SPINT2: variants seen among roughly 807,000 people sequenced by gnomAD.
The protein encoded by SPINT2 is serine peptidase inhibitor, Kunitz type 2.
SPINT2 carries 18 observed loss-of-function variants against 30.1 expected under a neutral mutation model. The ratio of observed to expected loss-of-function variants is 0.60; its 90% CI spans 0.41 to 0.89. SPINT2 has a LOEUF of 0.89. Ranked by LOEUF, SPINT2 falls within the 40% of genes least tolerant of loss-of-function variation. SPINT2 has a pLI of 0.00. For synonymous variants in SPINT2, 139 were observed against 137.9 expected, an observed-to-expected ratio of 1.01 and a Z score of -0.05; for missense variants, 276 against 334.3, an observed-to-expected ratio of 0.83 and a Z score of 1.36.
chr19:38,268,743 CAG>C (rs535550049), intron 1 of SPINT2, among the ~76,000 whole-genome samples: 6 of 143,878 alleles, frequency 4.2e-5, no homozygotes, highest in East Asian at 2.2e-4. Flanking sequence ...CAGTGTGAGA[CAG>C]AGAGAGAGCA....
intron 1 of SPINT2, among the ~76,000 whole-genome samples, chr19:38,274,794 G>A (rs1312561414): frequency 2.0e-5 from 3 of 149,550 alleles, no homozygotes; most frequent in Admixed American, 6.7e-5. Flanking sequence ...CAGCCTGGAC[G>A]ACAGAGTGAG....
rs1280051794 is a variant in SPINT2 at position 38,292,038 on chromosome 19, A to G, written c.*32A>G. 1.1e-5 allele frequency: 17 copies of G among 1,612,378 alleles called. No homozygotes were observed. In the East Asian group the frequency reaches 3.6e-4, roughly 34 times the overall value. Reference sequence around the variant, plus strand: ...TGTCGCCAAGAGGACTGGGGAAGGGAGGGGAGACTATGTGTGAGCTTTTTT... The same window carrying G: ...TGTCGCCAAGAGGACTGGGGAAGGGGGGGGAGACTATGTGTGAGCTTTTTT... On this transcript the variant is annotated 3_prime_UTR_variant, in exon 7 of 7. Coordinates refer to ENST00000301244, the MANE Select transcript of SPINT2 (RefSeq NM_021102.4).
At chr19:38,272,877 G>A (rs759786899) in intron 1 of SPINT2, among the ~76,000 whole-genome samples, 6 of 151,906 alleles carry the variant, frequency 3.9e-5, no homozygotes, top group Non-Finnish European at 5.9e-5. Flanking sequence ...GCACCACCAC[G>A]CCCGGCTCAT....
intron 1 of SPINT2, among the ~76,000 whole-genome samples, chr19:38,283,075 G>A (rs1968598664): frequency 1.3e-5 from 2 of 151,964 alleles, no homozygotes; most frequent in African/African-American, 4.8e-5. Context: ...ACTTTGGGAG[G>A]CCGAGGCAGG....
chr19:38,289,784 G>C, intron 4 of SPINT2: 1 of 392,666 alleles, frequency 2.5e-6, no homozygotes, highest in African/African-American at 2.1e-5. Context: ...CCAGCGGCTT[G>C]GCTGTGGGCA....
chr19:38,269,758 T>C (rs1968428398), intron 1 of SPINT2, among the ~76,000 whole-genome samples: 1 of 151,904 alleles, frequency 6.6e-6, no homozygotes, highest in Non-Finnish European at 1.5e-5. Context: ...TACAGGCACC[T>C]GCCGCCACGC....
At chr19:38,285,278 C>T (rs556188907) in intron 2 of SPINT2, among the ~76,000 whole-genome samples, 1 of 152,236 alleles carries the variant, frequency 6.6e-6, no homozygotes, top group East Asian at 1.9e-4. Context: ...AGACATTGGC[C>T]CTTTGGGGCT....
chr19:38,287,623 G>A (rs1049613346), intron 2 of SPINT2, among the ~76,000 whole-genome samples: 1 of 152,134 alleles, frequency 6.6e-6, no homozygotes, highest in Non-Finnish European at 1.5e-5. Flanking sequence ...CACCACACCC[G>A]GCCAAGTCAC....
rs965847604 is a variant in SPINT2, at chr19:38,270,849, T to C, written c.106+5851T>C. On this transcript the variant is annotated intron_variant, in intron 1 of 6. Transcript: ENST00000301244. ...GGCTGAATAAGGGGTGATAAGCCTG[T>C]GGCTCATGTGAGGCGGGAGAGAGCC... is the stretch of plus-strand genomic sequence containing the variant. Among the ~76,000 whole-genome samples, 4 of 152,346 alleles carry C rather than the reference T, an allele frequency of 2.6e-5. No homozygotes were observed. In the South Asian group the frequency reaches 8.3e-4, roughly 32 times the overall value.
intron 1 of SPINT2, among the ~76,000 whole-genome samples, chr19:38,274,822 A>AAC (rs1053953503): frequency 1.3e-5 from 2 of 151,772 alleles, no homozygotes; most frequent in Non-Finnish European, 2.9e-5. Context: ...TAAAAAAAAA[A>AAC]AAAAACATAA....
chr19:38,269,617 T>G (rs1968425098), intron 1 of SPINT2, among the ~76,000 whole-genome samples: 1 of 146,148 alleles, frequency 6.8e-6, no homozygotes, highest in Non-Finnish European at 1.5e-5. Context: ...CTTTTTTTTT[T>G]TTTTTTTTTG....
intron 1 of SPINT2, among the ~76,000 whole-genome samples, chr19:38,269,392 T>A (rs1968420932): frequency 7.0e-6 from 1 of 142,726 alleles, no homozygotes; most frequent in Non-Finnish European, 1.5e-5. Flanking sequence ...TGAGAACCTC[T>A]CCTGCACCTT....
In SPINT2 at chr19:38,290,104, C is replaced by T. The variant is rs376086427; in HGVS notation, c.392-15C>T. The T allele has an allele frequency of 2.3e-5, 37 of 1,612,212 alleles. No individual in the cohort carries two copies. The highest frequency in any genetic ancestry group is 2.9e-5 in the Non-Finnish European group (34 of 1,180,034). On this transcript the variant is annotated splice_polypyrimidine_tract_variant and intron_variant, in intron 4 of 6. Coordinates refer to ENST00000301244, the MANE Select transcript of SPINT2 (RefSeq NM_021102.4). This position sits in a 1 kb window ranked among gnomAD's most constrained non-coding sequence, Gnocchi z 4.3. Reference sequence around the variant, plus strand: ...GCCCTACTAATTTGTATTCCCTGGGCTGTCTTACTCCTAGAATACTGCACC... The same window carrying T: ...GCCCTACTAATTTGTATTCCCTGGGTTGTCTTACTCCTAGAATACTGCACC...
At chr19:38,277,286 C>T (rs1016131772) in intron 1 of SPINT2, among the ~76,000 whole-genome samples, 3 of 152,058 alleles carry the variant, frequency 2.0e-5, no homozygotes, top group Non-Finnish European at 4.4e-5. Context: ...GTCTCTGTCA[C>T]CCAGGCCTGA....
At chr19:38,270,971 C>G (rs1968448192) in intron 1 of SPINT2, among the ~76,000 whole-genome samples, 1 of 152,224 alleles carries the variant, frequency 6.6e-6, no homozygotes, top group African/African-American at 2.4e-5. Flanking sequence ...TTCCGATGTC[C>G]TGCAAGATCC....
intron 1 of SPINT2, among the ~76,000 whole-genome samples, chr19:38,276,075 T>G (rs951859725): frequency 6.6e-6 from 1 of 152,154 alleles, no homozygotes; most frequent in Non-Finnish European, 1.5e-5. Context: ...TCCCACTGAT[T>G]ATGAGATTGC....
At chr19:38,284,207 C>T (rs1968615771) in intron 2 of SPINT2, among the ~76,000 whole-genome samples, 1 of 151,946 alleles carries the variant, frequency 6.6e-6, no homozygotes, top group African/African-American at 2.4e-5. Flanking sequence ...GAACCTCCCA[C>T]CTCAGCCTCC....
At position 38,289,350 on chromosome 19, in the gene SPINT2, G is replaced by A. The variant is rs1968682961; in HGVS notation, c.391+159G>A. 1.1e-5 allele frequency: 7 copies of A among 610,766 alleles called. No homozygotes were observed. In the East Asian group the frequency reaches 2.2e-4, roughly 20 times the overall value. 37.8% of individuals were successfully genotyped at this position (610,766 alleles called of 1,614,324 possible). A position where few individuals can be genotyped will look rare whatever the true frequency, so the allele number is the denominator to read the frequency against. ...ATACGAAAAATTAGCTGGACGTAGT[G>A]GCATGCACCTGTAGTCCCAGCTACT... On this transcript the variant is annotated intron_variant, in intron 4 of 6. Coordinates refer to ENST00000301244, the MANE Select transcript of SPINT2 (RefSeq NM_021102.4).
intron 4 of SPINT2, chr19:38,289,682 G>C (rs1401974880): frequency 7.2e-6 from 2 of 275,960 alleles, no homozygotes; most frequent in African/African-American, 4.5e-5. Flanking sequence ...GATGCCGCCA[G>C]CAGTGGGAAG....
Sources: gnomAD v4.1 joint callset for allele counts (sites outside exome capture counted in the v4.1 genomes callset) on GRCh38, gnomAD v4.1.1 for gene constraint, Gnocchi (gnomAD v3.1) non-coding constraint, MANE v1.5 for transcripts, NCBI Gene and HGNC (gene_info 2026-07-23, HGNC 2026-07-21) for gene names.